Variants in OLA1 observed in about 807,000 individuals in gnomAD.
The protein encoded by OLA1 is Obg like ATPase 1, also known as obg-like ATPase 1.
OLA1 carries 14 observed loss-of-function variants against 48.4 expected under a neutral mutation model. That is an observed-to-expected ratio of 0.29 (90% confidence interval 0.19 to 0.45). The LOEUF (loss-of-function observed/expected upper bound fraction) is 0.45. Ranked by LOEUF, OLA1 falls within the 20% of genes least tolerant of loss-of-function variation. OLA1 has a pLI of 1.00. For synonymous variants in OLA1, 127 were observed against 150.4 expected, an observed-to-expected ratio of 0.84 and a Z score of 1.14; for missense variants, 325 against 467.1, an observed-to-expected ratio of 0.70 and a Z score of 2.80.
chr2:174,178,240 GTATT>G (rs1687461043), intron 4 of OLA1, among the ~76,000 whole-genome samples: 1 of 152,066 alleles, frequency 6.6e-6, no homozygotes, highest in South Asian at 2.1e-4. Flanking sequence ...ATTTATTTCA[GTATT>G]TATTATAGAT....
Position 174,180,834 on chromosome 2 carries a change from AAAAC to A in OLA1, c.374-38838_374-38835del, listed in dbSNP as rs558718064. Among the ~76,000 whole-genome samples the A allele has an allele frequency of 2.3e-3, 352 of 152,394 alleles. 2 individuals are homozygous for A. Among genetic ancestry groups the A allele is most frequent in the Non-Finnish European group, 1.3e-3 (91 of 68,044 alleles). The stretch of plus-strand genomic sequence containing the variant: ...GTCCATGATAAATGCCATAGTTTTA[AAAAC>A]AAACAAATCCTAACTGCATGTTTTG... On this transcript the variant is annotated intron_variant, in intron 4 of 10. Coordinates refer to ENST00000284719, the MANE Select transcript of OLA1 (RefSeq NM_013341.5).
intron 4 of OLA1, among the ~76,000 whole-genome samples, chr2:174,202,033 A>T (rs1387633907): frequency 6.6e-6 from 1 of 152,200 alleles, no homozygotes; most frequent in Non-Finnish European, 1.5e-5. Context: ...ATTTTTGAAG[A>T]TTTGCAAGTT....
chr2:174,154,034 T>G (rs1686809696), intron 4 of OLA1, among the ~76,000 whole-genome samples: 1 of 152,050 alleles, frequency 6.6e-6, no homozygotes, highest in Non-Finnish European at 1.5e-5. Context: ...GTCTGGCTAA[T>G]TTTTTTGTTT....
At chr2:174,081,872 C>G in intron 8 of OLA1, 52 bp downstream of exon 8, 4 of 1,563,384 alleles carry the variant, frequency 2.6e-6, no homozygotes, top group Non-Finnish European at 3.5e-6. Flanking sequence ...AATTAAATTA[C>G]TGCAAGGAAA....
Position 174,123,681 on chromosome 2 carries a change from C to A in OLA1, c.550-6G>T. ...TTTACTTTGCACATTATATCCTACA[C>A]ATGATTGAGAAAAAGGTAAATATAT... On this transcript the variant is annotated splice_region_variant and splice_polypyrimidine_tract_variant and intron_variant, in intron 5 of 10. Transcript: ENST00000284719. 1 of 1,491,576 alleles carries A rather than the reference C, an allele frequency of 6.7e-7. No homozygotes were observed. 92.4% of individuals were successfully genotyped at this position (1,491,576 alleles called of 1,614,324 possible). A position where few individuals can be genotyped will look rare whatever the true frequency, so the allele number is the denominator to read the frequency against.
chr2:174,167,088 C>G (rs1481623869), intron 4 of OLA1, among the ~76,000 whole-genome samples: 2 of 151,620 alleles, frequency 1.3e-5, no homozygotes, highest in African/African-American at 4.8e-5. Context: ...GGGAAAGAAC[C>G]CACAAGTCAA....
At chr2:174,112,115 T>A (rs1037265917) in intron 7 of OLA1, among the ~76,000 whole-genome samples, 1 of 152,162 alleles carries the variant, frequency 6.6e-6, no homozygotes, top group Admixed American at 6.5e-5. Flanking sequence ...TAAATGAAAT[T>A]CATAGTAATA....
intron 4 of OLA1, among the ~76,000 whole-genome samples, chr2:174,143,948 A>G (rs113565695): frequency 0.032 from 4,868 of 152,166 alleles, 121 homozygotes; most frequent in Non-Finnish European, 0.05. Context: ...AGAAATTTTT[A>G]AAAAATATAG....
At chr2:174,084,888 T>C (rs558890343) in intron 7 of OLA1, among the ~76,000 whole-genome samples, 1 of 152,308 alleles carries the variant, frequency 6.6e-6, no homozygotes, top group East Asian at 1.9e-4. Flanking sequence ...GTGATCAAAA[T>C]AATAATGATA....
chr2:174,208,934 T>C (rs946267115), intron 4 of OLA1, among the ~76,000 whole-genome samples: 1 of 152,228 alleles, frequency 6.6e-6, no homozygotes, highest in Non-Finnish European at 1.5e-5. Flanking sequence ...TCTATACTCA[T>C]GTCTACGTCT....
chr2:174,084,026 T>C (rs1684915491), intron 7 of OLA1, among the ~76,000 whole-genome samples: 1 of 152,216 alleles, frequency 6.6e-6, no homozygotes, highest in African/African-American at 2.4e-5. Context: ...CCTCAGGTGT[T>C]CTATTGTACA....
At chr2:174,205,240 T>C (rs958295557) in intron 4 of OLA1, among the ~76,000 whole-genome samples, 1 of 152,178 alleles carries the variant, frequency 6.6e-6, no homozygotes, top group African/African-American at 2.4e-5. Context: ...CCAAATGAAA[T>C]TGTTACCTAC....
chr2:174,138,015 A>C (rs1686352686), intron 5 of OLA1, among the ~76,000 whole-genome samples: 1 of 152,128 alleles, frequency 6.6e-6, no homozygotes, highest in Non-Finnish European at 1.5e-5. Context: ...CAAAACAAAA[A>C]ATCCCTTTCT....
chr2:174,216,496 T>C (rs1688363811), intron 4 of OLA1, among the ~76,000 whole-genome samples: 1 of 152,278 alleles, frequency 6.6e-6, no homozygotes, highest in Non-Finnish European at 1.5e-5. Context: ...AAACAATTAA[T>C]CTTGTGAATA....
chr2:174,165,765 A>G (rs1687147376), intron 4 of OLA1, among the ~76,000 whole-genome samples: 1 of 152,120 alleles, frequency 6.6e-6, no homozygotes, highest in South Asian at 2.1e-4. Context: ...AAAGAAACAC[A>G]CTTTATAAGA....
chr2:174,124,992 G>T (rs1257775002), intron 5 of OLA1, among the ~76,000 whole-genome samples: 1 of 152,138 alleles, frequency 6.6e-6, no homozygotes. Flanking sequence ...TTCGGCTTAA[G>T]AATAATCACT....
intron 5 of OLA1, among the ~76,000 whole-genome samples, chr2:174,126,488 T>C (rs1310329740): frequency 6.6e-6 from 1 of 152,164 alleles, no homozygotes; most frequent in Non-Finnish European, 1.5e-5. Flanking sequence ...ATTCTGTACA[T>C]TATAGAGATA....
intron 7 of OLA1, among the ~76,000 whole-genome samples, chr2:174,090,113 G>T (rs1302021541): frequency 3.3e-5 from 5 of 152,038 alleles, no homozygotes. Flanking sequence ...AGAACTACTG[G>T]CTGAAAAACC....
chr2:174,177,134 G>A (rs1687438904), intron 4 of OLA1, among the ~76,000 whole-genome samples: 1 of 152,040 alleles, frequency 6.6e-6, no homozygotes, highest in African/African-American at 2.4e-5. Flanking sequence ...TCACAGTTTG[G>A]AACTAGATCT....
Sources: allele counts gnomAD v4.1 joint callset (sites outside exome capture counted in the v4.1 genomes callset), GRCh38; gene constraint gnomAD v4.1.1; transcripts MANE v1.5; gene names NCBI Gene and HGNC (gene_info 2026-07-23, HGNC 2026-07-21).